ASTN2: variants seen among roughly 807,000 people sequenced by gnomAD.
ASTN2 encodes the protein astrotactin 2.
A neutral mutation model predicts 139.8 loss-of-function variants in ASTN2; 54 were observed. That is an observed-to-expected ratio of 0.39 (90% CI 0.31 to 0.48). The LOEUF (loss-of-function observed/expected upper bound fraction) is 0.48, where lower values mean the gene tolerates loss of function less well. ASTN2 is among the 20% of genes least tolerant of loss of function. The pLI, the probability that ASTN2 is intolerant of heterozygous loss-of-function variation, is 0.95. For synonymous variants in ASTN2, 756 were observed against 719.5 expected, an observed-to-expected ratio of 1.05 and a Z score of -0.81; for missense variants, 1,565 against 1,725.1, an observed-to-expected ratio of 0.91 and a Z score of 1.64.
chr9:116,812,013 T>C (rs1831180076), intron 12 of ASTN2, among the ~76,000 whole-genome samples: 2 of 152,218 alleles, frequency 1.3e-5, no homozygotes, highest in African/African-American at 2.4e-5. Context: ...TTTGTATATA[T>C]TTTTACATGT....
At chr9:117,042,751 C>T (rs963140876) in intron 5 of ASTN2, among the ~76,000 whole-genome samples, 8 of 152,122 alleles carry the variant, frequency 5.3e-5, no homozygotes, top group African/African-American at 1.7e-4. Flanking sequence ...GGGGTTGGCA[C>T]CTTGCATTGA....
chr9:116,911,389 T>C (rs1834305994), intron 10 of ASTN2, among the ~76,000 whole-genome samples: 1 of 151,866 alleles, frequency 6.6e-6, no homozygotes. Flanking sequence ...GACAAACAAA[T>C]GAAGACTGAA....
At chr9:116,604,013 A>T (rs1855054101) in intron 19 of ASTN2, among the ~76,000 whole-genome samples, 1 of 152,112 alleles carries the variant, frequency 6.6e-6, no homozygotes, top group African/African-American at 2.4e-5. Context: ...CTGAATTTCA[A>T]ATCTCTCTGC....
chr9:116,715,210 G>C (rs572145392), intron 16 of ASTN2, among the ~76,000 whole-genome samples: 1 of 151,902 alleles, frequency 6.6e-6, no homozygotes, highest in Admixed American at 6.6e-5. Flanking sequence ...AGGCATTGGA[G>C]ATTCAGTCTT....
At chr9:117,342,607 T>C (rs996478327) in intron 1 of ASTN2, among the ~76,000 whole-genome samples, 4 of 152,172 alleles carry the variant, frequency 2.6e-5, no homozygotes, top group Non-Finnish European at 4.4e-5. Flanking sequence ...TTCCTCTGGC[T>C]AGGTCCTGGT....
At chr9:117,046,783 G>A (rs1353330374) in intron 5 of ASTN2, among the ~76,000 whole-genome samples, 3 of 152,156 alleles carry the variant, frequency 2.0e-5, no homozygotes, top group Non-Finnish European at 4.4e-5. Flanking sequence ...CCTATTTCCA[G>A]TGCCTATAGC....
chr9:116,530,732 C>A (rs933633826), intron 19 of ASTN2, among the ~76,000 whole-genome samples: 1 of 151,914 alleles, frequency 6.6e-6, no homozygotes, highest in Non-Finnish European at 1.5e-5. Context: ...TGAGAATAAC[C>A]TTTTCCTCTC....
At chr9:117,065,382 CT>C (rs775255663) in intron 5 of ASTN2, among the ~76,000 whole-genome samples, 3 of 152,084 alleles carry the variant, frequency 2.0e-5, no homozygotes, top group Non-Finnish European at 2.9e-5. Flanking sequence ...GAGAACTTAC[CT>C]TTTTTTCGAG....
At chr9:117,223,295 G>A (rs1240615772) in intron 2 of ASTN2, among the ~76,000 whole-genome samples, 2 of 152,138 alleles carry the variant, frequency 1.3e-5, no homozygotes, top group African/African-American at 4.8e-5. Flanking sequence ...ACAACTTAGG[G>A]GAGAGAGTAC....
intron 16 of ASTN2, among the ~76,000 whole-genome samples, chr9:116,711,888 C>G (rs890870853): frequency 2.0e-5 from 3 of 152,114 alleles, no homozygotes; most frequent in South Asian, 2.1e-4. Context: ...ACTGATCCTC[C>G]TAACTCTAAT....
intron 1 of ASTN2, among the ~76,000 whole-genome samples, chr9:117,369,896 C>T (rs923941254): frequency 3.3e-5 from 5 of 152,092 alleles, no homozygotes; most frequent in African/African-American, 1.2e-4. Flanking sequence ...CCATCCACAC[C>T]CTTCTAACTT....
At chr9:117,127,430 T>C (rs1189155500) in intron 4 of ASTN2, among the ~76,000 whole-genome samples, 1 of 152,150 alleles carries the variant, frequency 6.6e-6, no homozygotes, top group African/African-American at 2.4e-5. Context: ...CATAGGTAAT[T>C]TGGAGAAGGC....
intron 3 of ASTN2, chr9:117,197,177 A>T (rs563755126): frequency 6.6e-6 from 1 of 152,312 alleles, no homozygotes; most frequent in Admixed American, 6.5e-5. Flanking sequence ...GGGTTGATTC[A>T]GCTGATCTGG....
chr9:116,552,221 T>C (rs1489236056), intron 19 of ASTN2: 1 of 152,200 alleles, frequency 6.6e-6, no homozygotes, highest in African/African-American at 2.4e-5. Context: ...GGTGTTTTTT[T>C]AGTTAACTTC....
chr9:116,821,729 C>A (rs907531549), intron 11 of ASTN2, among the ~76,000 whole-genome samples: 18 of 152,090 alleles, frequency 1.2e-4, no homozygotes, highest in African/African-American at 1.2e-4. Flanking sequence ...CTCCCCATAG[C>A]CCTCTGGTCC....
At chr9:116,603,729 G>C (rs550802658) in intron 19 of ASTN2, among the ~76,000 whole-genome samples, 1 of 152,348 alleles carries the variant, frequency 6.6e-6, no homozygotes, top group African/African-American at 2.4e-5. Flanking sequence ...TACCAACCTA[G>C]CATAATTCTT....
At chr9:117,066,265 G>A (rs374162585) in intron 5 of ASTN2, among the ~76,000 whole-genome samples, 33 of 141,672 alleles carry the variant, frequency 2.3e-4, no homozygotes, top group Non-Finnish European at 3.5e-4. Context: ...GAGAATATGC[G>A]GTGTTTGGTT....
At chr9:116,600,395 C>T (rs1854829715) in intron 19 of ASTN2, among the ~76,000 whole-genome samples, 1 of 151,874 alleles carries the variant, frequency 6.6e-6, no homozygotes, top group South Asian at 2.1e-4. Context: ...GCCATTCTTC[C>T]TGATCCCCTG....
At chr9:116,764,017 A>C (rs901127810) in intron 13 of ASTN2, among the ~76,000 whole-genome samples, 2 of 152,124 alleles carry the variant, frequency 1.3e-5, no homozygotes, top group Non-Finnish European at 2.9e-5. Flanking sequence ...TGAACACATC[A>C]CTCACAGAAC....
Sources: allele counts gnomAD v4.1 joint callset (sites outside exome capture counted in the v4.1 genomes callset), GRCh38; gene constraint gnomAD v4.1.1; transcripts MANE v1.5; gene names NCBI Gene and HGNC (gene_info 2026-07-23, HGNC 2026-07-21).